Variants in DOK7 observed in about 807,000 individuals in gnomAD.
The protein encoded by DOK7 is protein Dok-7.
Under a neutral mutation model 30.7 loss-of-function variants are expected in DOK7, and 32 were observed. That is an observed-to-expected ratio of 1.04 (90% CI 0.79 to 1.40). The LOEUF (loss-of-function observed/expected upper bound fraction) is 1.40. Among genes scored for constraint, DOK7 ranks in the 40% most tolerant of loss-of-function variants. DOK7 has a pLI of 0.00. For missense variants in DOK7, 1,007 were observed against 699.2 expected, an observed-to-expected ratio of 1.44 and a Z score of -4.97; for synonymous variants, 447 against 324.1, an observed-to-expected ratio of 1.38 and a Z score of -4.07.
chr4:3,474,423 T>C (rs1353819374), intron 3 of DOK7, among the ~76,000 whole-genome samples: 1 of 152,130 alleles, frequency 6.6e-6, no homozygotes, highest in Non-Finnish European at 1.5e-5. Flanking sequence ...CTCATACCTG[T>C]AATTCCAGTA....
downstream of DOK7, among the ~76,000 whole-genome samples, chr4:3,498,787 G>A (rs1414229912): frequency 2.0e-5 from 3 of 152,244 alleles, no homozygotes; most frequent in Non-Finnish European, 2.9e-5. Flanking sequence ...ATTCCGAGGG[G>A]ACCAGCCCTC....
chr4:3,484,613 G>T (rs1323093649), intron 4 of DOK7: 1 of 985,514 alleles, frequency 1.0e-6, no homozygotes, highest in Non-Finnish European at 1.2e-6. Flanking sequence ...TCGCAGCTGG[G>T]GCTTCTCCAC....
intron 4 of DOK7, among the ~76,000 whole-genome samples, chr4:3,478,144 G>T (rs1470789976): frequency 6.6e-6 from 1 of 152,200 alleles, no homozygotes; most frequent in Non-Finnish European, 1.5e-5. Flanking sequence ...CTTGGCACGG[G>T]CAGGCAGCCG....
rs1389544907 is a variant in DOK7 at position 3,493,898 on chromosome 4, C to T, written c.*397C>T. On this transcript the variant is annotated 3_prime_UTR_variant, in exon 7 of 7. Coordinates refer to ENST00000340083, the MANE Select transcript of DOK7 (RefSeq NM_173660.5). ...GGCCTCACGCCCCCTTCGGGGGTGGCCGGTTCTCCCCATCACCTCTCTGGG... is the reference window on the plus strand; with the variant it reads ...GGCCTCACGCCCCCTTCGGGGGTGGTCGGTTCTCCCCATCACCTCTCTGGG... 2.8e-6 allele frequency: 3 copies of T among 1,066,816 alleles called. No individual in the cohort carries two copies. The highest frequency in any genetic ancestry group is 3.4e-5 in the African/African-American group (2 of 59,182). 66.1% of individuals were successfully genotyped at this position (1,066,816 alleles called of 1,614,324 possible).
At chr4:3,490,150 C>CTTCCTCCTACTCATTAATTCCTTCCT (rs1560225900) in intron 6 of DOK7, among the ~76,000 whole-genome samples, 2 of 62,846 alleles carry the variant, frequency 3.2e-5, no homozygotes, top group African/African-American at 1.3e-4. Flanking sequence ...TTCCTTCCTT[C>CTTCCTCCTACTCATTAATTCCTTCCT]CCCACCCTGC....
intron 4 of DOK7, among the ~76,000 whole-genome samples, chr4:3,483,810 C>T (rs185522288): frequency 2.6e-5 from 4 of 152,308 alleles, no homozygotes; most frequent in Admixed American, 6.5e-5. Flanking sequence ...GACTGCCTGG[C>T]ACTGAGTGAG....
At chr4:3,484,829 A>G in intron 4 of DOK7, 2 of 985,492 alleles carry the variant, frequency 2.0e-6, no homozygotes, top group Non-Finnish European at 2.4e-6. Flanking sequence ...TGACGGCTGC[A>G]GCATGTGTGG....
At position 3,493,101 on chromosome 4, in the gene DOK7, T is replaced by C. The variant is rs1232540234; in HGVS notation, c.1115T>C (p.Leu372Pro). The C allele has an allele frequency of 1.9e-6, 3 of 1,581,916 alleles. No homozygotes were observed. Among genetic ancestry groups the C allele is most frequent in the Admixed American group, 3.6e-5 (2 of 56,048 alleles). ...VWRATDELGS[L>P]LSLPAAGAPE... ...CGGGCCACAGATGAACTGGGCTCAC[T>C]GCTCAGCCTGCCAGCAGCGGGGGCC... Residue 372 changes from leucine to proline, a missense_variant, in exon 7 of 7, where the codon CTG becomes CCG. Physicochemically the swap from Leu to Pro is moderately conservative, Grantham distance 98. Transcript: ENST00000340083.
rs546684327 is a variant in DOK7 at position 3,468,552 on chromosome 4, CTG to C, written c.101-4849_101-4848del. Among the ~76,000 whole-genome samples, 92 of 113,560 alleles carry C rather than the reference CTG, an allele frequency of 8.1e-4. 1 individual carries two copies. The highest frequency in any genetic ancestry group is 3.3e-3 in the Admixed American group (39 of 11,718). The allele number at this position is 113,560 out of a possible 152,430, so 74.5% of individuals were successfully genotyped here. ...TGACTGTGAGTGTATGTGTGTGTGC[CTG>C]TGTGAGCATGTATGAATGTGTGTGC... is the stretch of plus-strand genomic sequence containing the variant. On this transcript the variant is annotated intron_variant, in intron 2 of 6. Coordinates refer to ENST00000340083, the MANE Select transcript of DOK7 (RefSeq NM_173660.5).
Position 3,493,506 on chromosome 4 carries a change from C to T in DOK7, c.*5C>T, listed in dbSNP as rs764358668. The T allele has an allele frequency of 3.2e-5, 51 of 1,610,220 alleles. No individual in the cohort carries two copies. The highest frequency in any genetic ancestry group is 9.3e-5 in the African/African-American group (7 of 74,888). ...AAGGTAAACCCCCCTCCTTGAGAGC[C>T]GCAGATCCCGCCCCGCGGCTGCAAA... On this transcript the variant is annotated 3_prime_UTR_variant, in exon 7 of 7. Transcript: ENST00000340083.
At chr4:3,496,604 G>A (rs1393435757), downstream of DOK7, among the ~76,000 whole-genome samples, 1 of 152,214 alleles carries the variant, frequency 6.6e-6, no homozygotes, top group East Asian at 1.9e-4. Flanking sequence ...AGGCTGGGTG[G>A]TCAAGGCAGT....
chr4:3,500,746 A>G, exon 8 of DOK7: 1 of 1,535,242 alleles, frequency 6.5e-7, no homozygotes, highest in South Asian at 1.2e-5. Flanking sequence ...GAGACGGCGC[A>G]CAGAGTGGGG....
At chr4:3,498,213 C>T (rs189842414), downstream of DOK7, among the ~76,000 whole-genome samples, 164 of 152,266 alleles carry the variant, frequency 1.1e-3, no homozygotes, top group Middle Eastern at 0.01. Context: ...GGAAGCGATG[C>T]TCACAGAAGC....
rs1315123206 is a variant in DOK7, at chr4:3,494,302, G to C, written c.*801G>C. Reference sequence around the variant, plus strand: ...CCCAGGCCTCAGCCCCTGCGTCGGAGGTGGGGCTGTGTTGGGCCCATTGTC... The same window carrying C: ...CCCAGGCCTCAGCCCCTGCGTCGGACGTGGGGCTGTGTTGGGCCCATTGTC... On this transcript the variant is annotated 3_prime_UTR_variant, in exon 7 of 7. Coordinates refer to ENST00000340083, the MANE Select transcript of DOK7 (RefSeq NM_173660.5). The C allele has an allele frequency of 7.1e-6, 7 of 985,496 alleles. No individual in the cohort carries two copies. In the Admixed American group the frequency reaches 4.3e-4, roughly 61 times the overall value. The allele number at this position is 985,496 out of a possible 1,614,324, so 61.0% of individuals were successfully genotyped here.
At chr4:3,473,279 G>A in intron 2 of DOK7, 127 bp from the exon 3 acceptor site, 3 of 858,226 alleles carry the variant, frequency 3.5e-6, no homozygotes, top group Non-Finnish European at 5.6e-6. Flanking sequence ...GCCTTGGCAT[G>A]GCTGAGTGGC....
intron 2 of DOK7, among the ~76,000 whole-genome samples, chr4:3,469,617 G>C (rs1009185121): frequency 6.6e-6 from 1 of 152,126 alleles, no homozygotes; most frequent in African/African-American, 2.4e-5. Flanking sequence ...ATCCACTCCT[G>C]AGTCCCCCAG....
chr4:3,474,626 A>G lies in DOK7; in HGVS notation c.331+990A>G, dbSNP rs928580911. On this transcript the variant is annotated intron_variant, in intron 3 of 6. Coordinates refer to ENST00000340083, the MANE Select transcript of DOK7 (RefSeq NM_173660.5). ...CACCTGAGGTCAGGACTTCGAGACC[A>G]GCCTGGCCAACATAGCGAAGCCCCA... 2.1e-4 allele frequency among the ~76,000 whole-genome samples: 32 copies of G among 152,246 alleles called. 1 individual carries two copies. Among genetic ancestry groups the G allele is most frequent in the Admixed American group, 1.6e-3 (25 of 15,292 alleles).
At chr4:3,472,596 C>T (rs955307553) in intron 2 of DOK7, among the ~76,000 whole-genome samples, 8 of 152,354 alleles carry the variant, frequency 5.3e-5, no homozygotes, top group East Asian at 3.9e-4. Context: ...GGAGTGTCCC[C>T]GGGCCAGGTG....
At chr4:3,500,339 ATCC>A (rs1729128682) in exon 7 of DOK7, 3 of 1,535,836 alleles carry the variant, frequency 2.0e-6, no homozygotes, top group Non-Finnish European at 2.6e-6. Context: ...CCGTCAGCCC[ATCC>A]TCCAGAAAGC....
Sources: gnomAD v4.1 joint callset for allele counts (sites outside exome capture counted in the v4.1 genomes callset) on GRCh38, gnomAD v4.1.1 for gene constraint, MANE v1.5 for transcripts, NCBI Gene and HGNC (gene_info 2026-07-23, HGNC 2026-07-21) for gene names.